TENM2: variants seen among roughly 807,000 people sequenced by gnomAD.
TENM2 encodes teneurin transmembrane protein 2.
Under a neutral mutation model 245.2 loss-of-function variants are expected in TENM2, and 52 were observed. The observed-to-expected ratio is 0.21, with a 90% CI of 0.17 to 0.27. The LOEUF (loss-of-function observed/expected upper bound fraction) is 0.27. TENM2 is among the 10% of genes least tolerant of loss of function. The probability of loss-of-function intolerance (pLI) is 1.00; values close to 1 mark genes in which losing one functional copy is unlikely to be tolerated. For missense variants in TENM2, 3,046 were observed against 3,666.8 expected (o/e 0.83, Z 4.37); for synonymous variants, 1,363 against 1,438.9 (o/e 0.95, Z 1.19).
intron 9 of TENM2, among the ~76,000 whole-genome samples, chr5:168,103,324 T>C (rs1793974705): frequency 6.6e-6 from 1 of 152,172 alleles, no homozygotes; most frequent in Non-Finnish European, 1.5e-5. Flanking sequence ...TAAATTTCCG[T>C]AACTCAAAGA....
At chr5:167,085,953 G>A in the TENM2 span, among the ~76,000 whole-genome samples, 1 of 152,168 alleles carries the variant, frequency 6.6e-6, no homozygotes, top group South Asian at 2.1e-4. Context: ...TCAGGAATAT[G>A]CTACCAAGGA....
At chr5:167,960,884 C>T (rs150800845) in intron 4 of TENM2, among the ~76,000 whole-genome samples, 418 of 152,318 alleles carry the variant, frequency 2.7e-3, no homozygotes, top group African/African-American at 9.7e-3. Flanking sequence ...GGGAAAAGCA[C>T]AGTATCTGGG....
Position 167,353,500 on chromosome 5 carries a change from GTTTTTTT to G in TENM2, c.227-21679_227-21673del, listed in dbSNP as rs59240930. 7.8e-3 allele frequency among the ~76,000 whole-genome samples: 616 copies of G among 79,440 alleles called. 11 individuals carry two copies. Among genetic ancestry groups the G allele is most frequent in the African/African-American group, 0.032 (593 of 18,718 alleles). The allele number at this position is 79,440 out of a possible 152,430, so 52.1% of individuals were successfully genotyped here. ...TATGGTGTTTTTTGTTGTTGTTGTT[GTTTTTTT>G]TTTTTTTTTTTTTTTTTTGAGACGG... On this transcript the variant is annotated intron_variant, in intron 1 of 28. Transcript: ENST00000518659.
intron 9 of TENM2, among the ~76,000 whole-genome samples, chr5:168,115,888 G>A (rs1040727943): frequency 6.6e-5 from 10 of 152,158 alleles, no homozygotes; most frequent in East Asian, 1.9e-4. Context: ...ACAAGATGCC[G>A]TGATCAATTA....
At chr5:167,561,550 G>T (rs1378977615) in intron 2 of TENM2, among the ~76,000 whole-genome samples, 1 of 152,174 alleles carries the variant, frequency 6.6e-6, no homozygotes, top group Non-Finnish European at 1.5e-5. Context: ...TGTCCTTACA[G>T]CTGGTAGAAA....
At chr5:167,445,903 G>T (rs1162914429) in intron 2 of TENM2, among the ~76,000 whole-genome samples, 2 of 152,062 alleles carry the variant, frequency 1.3e-5, no homozygotes, top group African/African-American at 4.8e-5. Flanking sequence ...AGTCTGGCCT[G>T]GTTTCTTCTT....
In TENM2 at chr5:167,642,967, C is replaced by A. The variant is rs926757296; in HGVS notation, c.503-233019C>A. 2.0e-5 allele frequency among the ~76,000 whole-genome samples: 3 copies of A among 152,248 alleles called. No homozygotes were observed. The East Asian group carries it at 5.8e-4, about 29-fold the overall frequency. On this transcript the variant is annotated intron_variant, in intron 2 of 28. Transcript: ENST00000518659. ...GACACAGCAATGCCACAGTGCTCAG[C>A]GGATGTTCCCACCGCTCACTGCAAA... is the stretch of plus-strand genomic sequence containing the variant.
In TENM2 at chr5:167,373,265, C is replaced by G. The variant is rs867809717; in HGVS notation, c.227-1933C>G. Among the ~76,000 whole-genome samples the G allele has an allele frequency of 5.3e-5, 8 of 152,248 alleles. No homozygotes were observed. The Middle Eastern group carries it at 0.02, about 388-fold the overall frequency. On this transcript the variant is annotated intron_variant, in intron 1 of 28. Coordinates refer to ENST00000518659, the Ensembl canonical transcript of TENM2. ...ATGTCTATTACAAATTAAAGTCCCACTAGGTTAATGTGAGCTACACAGTGG... is the reference window on the plus strand; with the variant it reads ...ATGTCTATTACAAATTAAAGTCCCAGTAGGTTAATGTGAGCTACACAGTGG...
the TENM2 span, among the ~76,000 whole-genome samples, chr5:167,081,471 A>G: frequency 2.6e-5 from 4 of 152,148 alleles, no homozygotes; most frequent in African/African-American, 9.7e-5. Context: ...AAAAGTTTCA[A>G]TTACATTGGA....
rs564231104 is a variant in TENM2, at chr5:168,183,960, G to A, written c.2570-6377G>A. 3.3e-5 allele frequency among the ~76,000 whole-genome samples: 5 copies of A among 152,144 alleles called. No homozygotes were observed. In the East Asian group the frequency reaches 9.7e-4, roughly 29 times the overall value. On this transcript the variant is annotated intron_variant, in intron 13 of 28. Transcript: ENST00000518659. Reference sequence around the variant, plus strand: ...TGTGGATCCTCCCAGCACTCCTTTGGGTATAATCATCACTGCCCTCACTTT... The same window carrying A: ...TGTGGATCCTCCCAGCACTCCTTTGAGTATAATCATCACTGCCCTCACTTT...
chr5:168,182,933 C>T (rs1194424621), intron 13 of TENM2, among the ~76,000 whole-genome samples: 2 of 150,152 alleles, frequency 1.3e-5, no homozygotes, highest in Non-Finnish European at 1.5e-5. Flanking sequence ...CGCGTTCAAG[C>T]GATTCTTCTG....
chr5:168,255,664 G>C (rs1219661192), intron 27 of TENM2, among the ~76,000 whole-genome samples: 1 of 152,018 alleles, frequency 6.6e-6, no homozygotes, highest in East Asian at 1.9e-4. Flanking sequence ...CTCCCTCAGT[G>C]GCAGGTAACA....
chr5:168,249,604 C>T (rs556649195), intron 27 of TENM2, among the ~76,000 whole-genome samples: 2 of 152,192 alleles, frequency 1.3e-5, no homozygotes, highest in Admixed American at 6.5e-5. Context: ...AGGCTATGAA[C>T]AAATGTCATA....
At chr5:167,102,028 C>A in the TENM2 span, among the ~76,000 whole-genome samples, 3 of 146,100 alleles carry the variant, frequency 2.1e-5, no homozygotes, top group African/African-American at 7.6e-5. Flanking sequence ...GAGTTCAAGA[C>A]CAGCCTAGCC....
intron 2 of TENM2, among the ~76,000 whole-genome samples, chr5:167,403,521 A>T (rs1264022328): frequency 1.3e-5 from 2 of 152,118 alleles, no homozygotes; most frequent in African/African-American, 4.8e-5. Context: ...GCAGGTCTTC[A>T]TGCCTTCTAC....
At chr5:167,290,505 T>A (rs1754570332) in intron 1 of TENM2, among the ~76,000 whole-genome samples, 2 of 152,218 alleles carry the variant, frequency 1.3e-5, no homozygotes. Flanking sequence ...TAATAATACT[T>A]TGGTGCAACA....
At chr5:168,059,485 A>T (rs893611900) in intron 6 of TENM2, among the ~76,000 whole-genome samples, 5 of 152,100 alleles carry the variant, frequency 3.3e-5, no homozygotes, top group Admixed American at 2.0e-4. Context: ...TTTATAATGC[A>T]TTTCTTTAAC....
intron 5 of TENM2, among the ~76,000 whole-genome samples, chr5:167,996,831 C>T (rs1009503716): frequency 6.6e-6 from 1 of 152,012 alleles, no homozygotes; most frequent in African/African-American, 2.4e-5. Context: ...CTCTGCCTCC[C>T]GGGTTCAAGT....
intron 24 of TENM2, 26 bp from the exon 27 acceptor site, chr5:168,227,869 C>A: frequency 6.8e-7 from 1 of 1,466,004 alleles, no homozygotes. Flanking sequence ...ATTTCCCTAT[C>A]CCCACCCCCA....
Sources: gnomAD v4.1 joint callset for allele counts (sites outside exome capture counted in the v4.1 genomes callset) on GRCh38, gnomAD v4.1.1 for gene constraint, MANE v1.5 for transcripts, NCBI Gene and HGNC (gene_info 2026-07-23, HGNC 2026-07-21) for gene names.